The following DPP10 variants were observed in gnomAD, a reference collection of about 807,000 sequenced individuals.
DPP10 encodes the protein inactive dipeptidyl peptidase 10.
A neutral mutation model predicts 120.9 loss-of-function variants in DPP10; 33 were observed. The observed-to-expected ratio is 0.27, with a 90% CI of 0.21 to 0.37. The LOEUF is 0.37. Ranked by LOEUF, DPP10 falls within the 10% of genes least tolerant of loss-of-function variation. The probability of loss-of-function intolerance (pLI) is 1.00; values close to 1 mark genes in which losing one functional copy is unlikely to be tolerated. For synonymous variants in DPP10, 337 were observed against 326.1 expected, an observed-to-expected ratio of 1.03 and a Z score of -0.36; for missense variants, 816 against 942.8, an observed-to-expected ratio of 0.87 and a Z score of 1.76.
chr2:115,773,875 C>A (rs536887286), intron 13 of DPP10, among the ~76,000 whole-genome samples: 15 of 152,084 alleles, frequency 9.9e-5, no homozygotes, highest in African/African-American at 3.6e-4. Flanking sequence ...CTGTGACAGT[C>A]TTATGTAGAT....
In DPP10 at chr2:114,976,624, TGGA is replaced by T. The variant is rs1699770665; in HGVS notation, c.61-332613_61-332611del. On this transcript the variant is annotated intron_variant, in intron 1 of 25. Coordinates refer to ENST00000410059, the MANE Select transcript of DPP10 (RefSeq NM_020868.6). ...TGTTTTCTAGCATAGAATATTTCAG[TGGA>T]GAAGTTTGAAAACAGCATACTTTTT... 2.0e-5 allele frequency among the ~76,000 whole-genome samples: 3 copies of T among 152,334 alleles called. No homozygotes were observed. The South Asian group carries it at 6.2e-4, about 32-fold the overall frequency.
intron 1 of DPP10, among the ~76,000 whole-genome samples, chr2:114,477,569 T>G (rs897243201): frequency 2.0e-5 from 3 of 151,180 alleles, no homozygotes; most frequent in Non-Finnish European, 2.9e-5. Context: ...TTGGATCATT[T>G]GAGGTCAGGA....
chr2:115,696,275 A>C (rs1442406136), intron 7 of DPP10, among the ~76,000 whole-genome samples: 5 of 152,112 alleles, frequency 3.3e-5, no homozygotes, highest in African/African-American at 1.2e-4. Context: ...AATAGGATGA[A>C]CTCAGAGACC....
chr2:115,582,511 CCCAA>C (rs1232173764), intron 5 of DPP10, among the ~76,000 whole-genome samples: 2 of 152,126 alleles, frequency 1.3e-5, no homozygotes, highest in African/African-American at 4.8e-5. Flanking sequence ...TTGACATCTG[CCCAA>C]CCGTCTGCTA....
chr2:114,749,548 C>CTTTA (rs1553418590), intron 1 of DPP10, among the ~76,000 whole-genome samples: 8 of 125,580 alleles, frequency 6.4e-5, no homozygotes, highest in African/African-American at 2.4e-4. Flanking sequence ...TCTAGCACTG[C>CTTTA]TTTTATTTTA....
intron 13 of DPP10, among the ~76,000 whole-genome samples, chr2:115,771,917 A>G (rs1681519006): frequency 6.6e-6 from 1 of 152,210 alleles, no homozygotes; most frequent in African/African-American, 2.4e-5. Flanking sequence ...ATCATTAATT[A>G]GAGACCAAGC....
intron 5 of DPP10, among the ~76,000 whole-genome samples, chr2:115,635,153 A>G (rs1051791919): frequency 6.7e-5 from 10 of 150,176 alleles, no homozygotes; most frequent in Non-Finnish European, 1.5e-4. Flanking sequence ...GCAGGCAGCC[A>G]CAGTGATGGC....
Position 115,243,576 on chromosome 2 carries a change from T to C in DPP10, c.61-65663T>C, listed in dbSNP as rs532145907. ...TAAAGAGTTTTTTGATAAAACAAAA[T>C]GATTGAGTAGAAAATCTCACCATGA... On this transcript the variant is annotated intron_variant, in intron 1 of 25. Coordinates refer to ENST00000410059, the MANE Select transcript of DPP10 (RefSeq NM_020868.6). Among the ~76,000 whole-genome samples, 10 of 152,250 alleles carry C rather than the reference T, an allele frequency of 6.6e-5. No individual in the cohort carries two copies. In the East Asian group the frequency reaches 1.9e-3, roughly 29 times the overall value.
chr2:115,257,697 A>C (rs1201393997), intron 1 of DPP10, among the ~76,000 whole-genome samples: 1 of 152,196 alleles, frequency 6.6e-6, no homozygotes, highest in Non-Finnish European at 1.5e-5. Flanking sequence ...AGGATGTACA[A>C]CTAAGTAGAA....
At chr2:115,331,057 G>A (rs1332763155) in intron 2 of DPP10, among the ~76,000 whole-genome samples, 4 of 151,958 alleles carry the variant, frequency 2.6e-5, no homozygotes, top group African/African-American at 9.7e-5. Flanking sequence ...CCTATCCATG[G>A]GCATGGAACG....
At chr2:115,264,714 AC>A (rs1454784357) in intron 1 of DPP10, among the ~76,000 whole-genome samples, 32 of 152,318 alleles carry the variant, frequency 2.1e-4, no homozygotes, top group South Asian at 2.1e-3. Flanking sequence ...AAGATAATAG[AC>A]AAAGATGTCA....
chr2:115,348,810 C>T (rs2063843905), intron 3 of DPP10, among the ~76,000 whole-genome samples: 1 of 152,044 alleles, frequency 6.6e-6, no homozygotes, highest in Non-Finnish European at 1.5e-5. Context: ...CTTTACTCAC[C>T]CCATGAGTTT....
chr2:114,790,869 A>ATACG (rs1447340494), intron 1 of DPP10, among the ~76,000 whole-genome samples: 3 of 152,206 alleles, frequency 2.0e-5, no homozygotes, highest in Non-Finnish European at 4.4e-5. Context: ...ATCTGGGCGA[A>ATACG]TACGTGCAGG....
chr2:115,776,642 A>G (rs1029086336), intron 13 of DPP10, among the ~76,000 whole-genome samples: 2 of 152,114 alleles, frequency 1.3e-5, no homozygotes, highest in African/African-American at 4.8e-5. Flanking sequence ...AACAATATAT[A>G]TTTTTTAGAC....
At chr2:114,497,351 ATG>A (rs1558814407) in intron 1 of DPP10, among the ~76,000 whole-genome samples, 1,675 of 138,350 alleles carry the variant, frequency 0.012, 81 homozygotes, top group African/African-American at 0.044. Flanking sequence ...ATACATACAC[ATG>A]TACATATACA....
At chr2:115,470,439 T>C (rs933957141) in intron 3 of DPP10, among the ~76,000 whole-genome samples, 17 of 152,164 alleles carry the variant, frequency 1.1e-4, no homozygotes, top group African/African-American at 3.9e-4. Flanking sequence ...CATCAAATCA[T>C]AGCATATGAA....
rs115194521 is a variant in DPP10, at chr2:115,449,196, A to T, written c.272-50314A>T. On this transcript the variant is annotated intron_variant, in intron 3 of 25. Coordinates refer to ENST00000410059, the MANE Select transcript of DPP10 (RefSeq NM_020868.6). ...ACTATAATTGTAACCTGATAAATAT[A>T]TTTTCTAAATAAGTTAATAAATTTT... 1.3e-3 allele frequency among the ~76,000 whole-genome samples: 192 copies of T among 152,270 alleles called. 1 individual carries two copies. The highest frequency in any genetic ancestry group is 2.3e-3 in the Non-Finnish European group (155 of 67,988).
At chr2:114,517,010 T>A (rs1684646459) in intron 1 of DPP10, among the ~76,000 whole-genome samples, 1 of 152,180 alleles carries the variant, frequency 6.6e-6, no homozygotes, top group Non-Finnish European at 1.5e-5. Context: ...TTTCCATCAG[T>A]TTCTCTAAAT....
intron 1 of DPP10, among the ~76,000 whole-genome samples, chr2:114,623,614 GAAAAGTCCTACAACAGCA>G (rs1187913176): frequency 1.3e-5 from 2 of 152,008 alleles, no homozygotes; most frequent in African/African-American, 4.8e-5. Context: ...AATTTTGTGT[GAAAAGTCCTACAACAGCA>G]AAAATGACCT....
Sources: gnomAD v4.1 joint callset for allele counts (sites outside exome capture counted in the v4.1 genomes callset) on GRCh38, gnomAD v4.1.1 for gene constraint, MANE v1.5 for transcripts, NCBI Gene and HGNC (gene_info 2026-07-23, HGNC 2026-07-21) for gene names.